SYT9: variants seen among roughly 807,000 people sequenced by gnomAD.
SYT9 encodes the protein synaptotagmin 9.
SYT9 carries 22 observed loss-of-function variants against 48.4 expected under a neutral mutation model. That is an observed-to-expected ratio of 0.45 (90% CI 0.32 to 0.65). The LOEUF (loss-of-function observed/expected upper bound fraction) is 0.65, where lower values mean the gene tolerates loss of function less well. Ranked by LOEUF, SYT9 falls within the 30% of genes least tolerant of loss-of-function variation. SYT9 has a pLI of 0.03. For synonymous variants in SYT9, 265 were observed against 245.0 expected, an observed-to-expected ratio of 1.08 and a Z score of -0.76; for missense variants, 577 against 622.0, an observed-to-expected ratio of 0.93 and a Z score of 0.77.
chr11:7,441,234 C>T (rs1045587614), intron 6 of SYT9: 4 of 152,192 alleles, frequency 2.6e-5, no homozygotes, highest in African/African-American at 7.2e-5. Context: ...TGGGCATTAG[C>T]AGAAATGAGC....
intron 6 of SYT9, among the ~76,000 whole-genome samples, chr11:7,460,490 C>T (rs11820670): frequency 0.24 from 36,343 of 151,890 alleles, 5,993 homozygotes; most frequent in African/African-American, 0.47. Flanking sequence ...ACATCTAATG[C>T]AGGTGTTAAA....
chr11:7,241,121 C>G (rs1265278212), intron 1 of SYT9, among the ~76,000 whole-genome samples: 1 of 151,946 alleles, frequency 6.6e-6, no homozygotes, highest in African/African-American at 2.4e-5. Flanking sequence ...TATATTGCAA[C>G]AGATAGAGTC....
At chr11:7,418,610 C>T (rs1847294952) in intron 5 of SYT9, among the ~76,000 whole-genome samples, 1 of 152,178 alleles carries the variant, frequency 6.6e-6, no homozygotes. Flanking sequence ...AAGATTGTTT[C>T]CTTCTACTTA....
At chr11:7,461,783 C>T (rs1848241296) in intron 6 of SYT9, among the ~76,000 whole-genome samples, 1 of 152,244 alleles carries the variant, frequency 6.6e-6, no homozygotes, top group African/African-American at 2.4e-5. Flanking sequence ...TCCAAACATC[C>T]TCCACTTTAC....
At chr11:7,386,636 T>A (rs1481314734) in intron 3 of SYT9, among the ~76,000 whole-genome samples, 21 of 152,100 alleles carry the variant, frequency 1.4e-4, no homozygotes, top group Non-Finnish European at 5.9e-5. Flanking sequence ...ATCATTAAAA[T>A]GTCAGGAAAC....
chr11:7,252,379 G>C lies in SYT9; in HGVS notation c.145+48G>C. ...GGAGGGACCTAAGGGCCCTGGGCTG[G>C]GACTTGGGGCCGCACCGGGGCCTGA... On this transcript the variant is annotated intron_variant, in intron 1 of 6. Transcript: ENST00000318881. This position sits in a 1 kb window ranked among gnomAD's most constrained non-coding sequence, Gnocchi z 6.3. The C allele has an allele frequency of 7.2e-7, 1 of 1,383,536 alleles. No homozygotes were observed. The highest frequency in any genetic ancestry group is 3.6e-5 in the Admixed American group (1 of 27,770). The allele number at this position is 1,383,536 out of a possible 1,614,324, so 85.7% of individuals were successfully genotyped here. A position where few individuals can be genotyped will look rare whatever the true frequency, so the allele number is the denominator to read the frequency against.
intron 2 of SYT9, among the ~76,000 whole-genome samples, chr11:7,305,353 C>A (rs1055046442): frequency 1.7e-4 from 26 of 152,114 alleles, no homozygotes; most frequent in Admixed American, 6.5e-5. Flanking sequence ...CATTTTTATG[C>A]ATTTAAAACA....
chr11:7,375,060 T>A (rs1362128610), intron 3 of SYT9, among the ~76,000 whole-genome samples: 1 of 152,188 alleles, frequency 6.6e-6, no homozygotes, highest in Non-Finnish European at 1.5e-5. Flanking sequence ...AGGTCTTACG[T>A]TTAAGTCTTT....
At chr11:7,403,290 T>G (rs2134077544) in intron 3 of SYT9, among the ~76,000 whole-genome samples, 1 of 152,320 alleles carries the variant, frequency 6.6e-6, no homozygotes, top group East Asian at 1.9e-4. Context: ...CCAGGCACAG[T>G]GGCTCATGCC....
intron 3 of SYT9, among the ~76,000 whole-genome samples, chr11:7,388,146 G>T (rs770819238): frequency 4.6e-5 from 7 of 152,068 alleles, no homozygotes; most frequent in Admixed American, 1.3e-4. Context: ...TTTCTTTATG[G>T]TAAGGTTTTT....
intron 3 of SYT9, among the ~76,000 whole-genome samples, chr11:7,351,386 C>T (rs116059128): frequency 5.1e-4 from 77 of 152,300 alleles, no homozygotes; most frequent in African/African-American, 1.8e-3. Flanking sequence ...GCAGCCTGTC[C>T]GATGGCAGCC....
chr11:7,281,451 A>ATACCAT (rs1848490821), intron 1 of SYT9, among the ~76,000 whole-genome samples: 1 of 152,202 alleles, frequency 6.6e-6, no homozygotes, highest in Non-Finnish European at 1.5e-5. Context: ...ACTTTCTACA[A>ATACCAT]GCCCTTCAGA....
At chr11:7,364,218 T>C (rs947515360) in intron 3 of SYT9, among the ~76,000 whole-genome samples, 1 of 152,128 alleles carries the variant, frequency 6.6e-6, no homozygotes, top group Non-Finnish European at 1.5e-5. Context: ...TCTCCCAACA[T>C]TGGAAGAAGG....
chr11:7,383,069 CTG>C (rs1473467310), intron 3 of SYT9, among the ~76,000 whole-genome samples: 1 of 152,144 alleles, frequency 6.6e-6, no homozygotes, highest in Non-Finnish European at 1.5e-5. Flanking sequence ...CTTGTCATGT[CTG>C]GGGAAAATAT....
chr11:7,274,297 T>C (rs568455268), intron 1 of SYT9, among the ~76,000 whole-genome samples: 2 of 151,476 alleles, frequency 1.3e-5, no homozygotes, highest in East Asian at 3.9e-4. Context: ...ACTCTTTCCT[T>C]ATATCTGTGT....
intron 1 of SYT9, among the ~76,000 whole-genome samples, chr11:7,294,422 T>G (rs1184230319): frequency 6.6e-6 from 1 of 152,200 alleles, no homozygotes; most frequent in Non-Finnish European, 1.5e-5. Flanking sequence ...AAATTAAATA[T>G]GGATGAGACT....
chr11:7,258,014 A>G (rs1848007424), intron 1 of SYT9, among the ~76,000 whole-genome samples: 1 of 152,196 alleles, frequency 6.6e-6, no homozygotes, highest in Non-Finnish European at 1.5e-5. Flanking sequence ...TCTCAAGGAA[A>G]AATTAAACTG....
chr11:7,311,354 G>C (rs1849130357), intron 2 of SYT9, among the ~76,000 whole-genome samples: 1 of 152,198 alleles, frequency 6.6e-6, no homozygotes, highest in African/African-American at 2.4e-5. Flanking sequence ...GGTAGATTTA[G>C]TCCTACAGAC....
intron 1 of SYT9, among the ~76,000 whole-genome samples, chr11:7,301,226 A>T (rs750477758): frequency 6.6e-6 from 1 of 152,330 alleles, no homozygotes; most frequent in East Asian, 1.9e-4. Context: ...CAGTATTTTC[A>T]AACAGAGATA....
Sources: allele counts gnomAD v4.1 joint callset (sites outside exome capture counted in the v4.1 genomes callset), GRCh38; gene constraint gnomAD v4.1.1; non-coding constraint Gnocchi (gnomAD v3.1); transcripts MANE v1.5; gene names NCBI Gene and HGNC (gene_info 2026-07-23, HGNC 2026-07-21).